Variants in RAD51D observed in about 807,000 individuals in gnomAD.
RAD51D encodes the protein RAD51 paralog D, also known as DNA repair protein RAD51 homolog 4.
In RAD51D, 38 loss-of-function variants were observed where a neutral mutation model predicts 44.1. That is an observed-to-expected ratio of 0.86 (90% CI 0.67 to 1.13). RAD51D has a LOEUF of 1.13. RAD51D is among the 50% of genes most tolerant of loss of function. The probability of loss-of-function intolerance (pLI) is 0.00; values close to 1 mark genes in which losing one functional copy is unlikely to be tolerated. For synonymous variants in RAD51D, 141 were observed against 166.6 expected (o/e 0.85, Z 1.18); for missense variants, 390 against 414.0 (o/e 0.94, Z 0.50).
At chr17:35,116,291 C>A (rs549158783) in intron 3 of RAD51D, among the ~76,000 whole-genome samples, 1 of 152,188 alleles carries the variant, frequency 6.6e-6, no homozygotes, top group East Asian at 1.9e-4. Flanking sequence ...CTGTCTATAA[C>A]CCTGCTTTCA....
rs1597862471 is a variant in RAD51D at position 35,106,987 on chromosome 17, C to A, written c.480+1G>T. 1 of 1,614,212 alleles carries A rather than the reference C, an allele frequency of 6.2e-7. No individual in the cohort carries two copies. The highest frequency in any genetic ancestry group is 1.6e-4 in the Middle Eastern group (1 of 6,062). ...AATGGAACCCAGCATCCTGCCCTTACCTGTTCCTCCTCATCCTGGGTTTTA... is the reference window on the plus strand; with the variant it reads ...AATGGAACCCAGCATCCTGCCCTTAACTGTTCCTCCTCATCCTGGGTTTTA... On this transcript the variant is annotated splice_donor_variant, in intron 5 of 9. Transcript: ENST00000345365. LOFTEE classifies it high-confidence loss of function.
chr17:35,096,926 C>G lies in RAD51D; in HGVS notation c.*4027G>C, dbSNP rs2091489419. The G allele has an allele frequency of 6.6e-6, 1 of 152,144 alleles. No homozygotes were observed. The highest frequency in any genetic ancestry group is 1.9e-4 in the East Asian group (1 of 5,190). 9.4% of individuals were successfully genotyped at this position (152,144 alleles called of 1,614,324 possible). ...TAAGCCTAGGTTTTGTTACTTGCAG[C>G]CTTAATGATACATGGACCTTTGCCT... On this transcript the variant is annotated 3_prime_UTR_variant, in exon 10 of 10. Coordinates refer to ENST00000345365, the MANE Select transcript of RAD51D (RefSeq NM_002878.4).
chr17:35,108,452 G>C (rs1010548512), intron 3 of RAD51D, among the ~76,000 whole-genome samples: 1 of 141,620 alleles, frequency 7.1e-6, no homozygotes, highest in Non-Finnish European at 1.5e-5. Context: ...TTGAGTCCAG[G>C]AGTTCAAGTC....
At chr17:35,116,702 G>A (rs1378687741) in intron 3 of RAD51D, among the ~76,000 whole-genome samples, 25 of 152,096 alleles carry the variant, frequency 1.6e-4, no homozygotes, top group Non-Finnish European at 1.5e-5. Context: ...TACCGTGTTA[G>A]CCAGGACAGT....
chr17:35,116,588 G>A (rs1040531981), intron 3 of RAD51D, among the ~76,000 whole-genome samples: 11 of 152,100 alleles, frequency 7.2e-5, no homozygotes, highest in East Asian at 1.9e-4. Context: ...TCCGCTTCCC[G>A]GGTTCATGCT....
chr17:35,109,761 A>C (rs2091652841), intron 3 of RAD51D, among the ~76,000 whole-genome samples: 1 of 151,558 alleles, frequency 6.6e-6, no homozygotes. Flanking sequence ...TCCACCTCTC[A>C]GGTTCAAGCA....
Position 35,098,847 on chromosome 17 carries a change from A to T in RAD51D, c.*2106T>A, listed in dbSNP as rs2091505591. On this transcript the variant is annotated 3_prime_UTR_variant, in exon 10 of 10. Coordinates refer to ENST00000345365, the MANE Select transcript of RAD51D (RefSeq NM_002878.4). ...GTTAAGTAACAGGATGGGCCAGATG[A>T]TTTTTTTTTTCCTTGAGACAGGGTC... 1 of 149,316 alleles carries T rather than the reference A, an allele frequency of 6.7e-6. No individual in the cohort carries two copies. Among genetic ancestry groups the T allele is most frequent in the African/African-American group, 2.5e-5 (1 of 40,530 alleles). 9.2% of individuals were successfully genotyped at this position (149,316 alleles called of 1,614,324 possible).
At position 35,096,755 on chromosome 17, in the gene RAD51D, G is replaced by A. The variant is rs1234514265; in HGVS notation, c.*4198C>T. 6.6e-6 allele frequency: 1 copy of A among 152,186 alleles called. No homozygotes were observed. The highest frequency in any genetic ancestry group is 1.5e-5 in the Non-Finnish European group (1 of 68,076). 9.4% of individuals were successfully genotyped at this position (152,186 alleles called of 1,614,324 possible). On this transcript the variant is annotated 3_prime_UTR_variant, in exon 10 of 10. Transcript: ENST00000345365. Reference sequence around the variant, plus strand: ...ACACACCTGTAGTCCCAGCTACTTGGGAGACTGAAGTGGGAGGATCACTTG... The same window carrying A: ...ACACACCTGTAGTCCCAGCTACTTGAGAGACTGAAGTGGGAGGATCACTTG...
rs949198607 is a variant in RAD51D, at chr17:35,094,852, G to C, written c.*6101C>G. On this transcript the variant is annotated 3_prime_UTR_variant, in exon 10 of 10. Transcript: ENST00000345365. Reference sequence around the variant, plus strand: ...AATGAGACATGCATCAAGGGCCTAAGGATACATAATAGAGCCTTGATTAAC... The same window carrying C: ...AATGAGACATGCATCAAGGGCCTAACGATACATAATAGAGCCTTGATTAAC... 6.6e-6 allele frequency: 1 copy of C among 152,092 alleles called. No homozygotes were observed. The highest frequency in any genetic ancestry group is 6.5e-5 in the Admixed American group (1 of 15,274). The allele number at this position is 152,092 out of a possible 1,614,324, so 9.4% of individuals were successfully genotyped here.
chr17:35,096,568 T>C lies in RAD51D; in HGVS notation c.*4385A>G, dbSNP rs1206910304. 1 of 152,222 alleles carries C rather than the reference T, an allele frequency of 6.6e-6. No homozygotes were observed. The highest frequency in any genetic ancestry group is 2.4e-5 in the African/African-American group (1 of 41,430). 9.4% of individuals were successfully genotyped at this position (152,222 alleles called of 1,614,324 possible). ...TCAGACTTCCTGTTATCAGAGATAA[T>C]AAGTGTCCCTGCCAGGCATGGTGGC... is the stretch of plus-strand genomic sequence containing the variant. On this transcript the variant is annotated 3_prime_UTR_variant, in exon 10 of 10. Transcript: ENST00000345365.
intron 3 of RAD51D, among the ~76,000 whole-genome samples, chr17:35,117,708 G>A (rs1461139939): frequency 1.3e-5 from 2 of 152,136 alleles, no homozygotes; most frequent in Non-Finnish European, 2.9e-5. Flanking sequence ...CGGGCAAGCA[G>A]GCCAGGCAGG....
chr17:35,104,970 C>T (rs1263426452), intron 6 of RAD51D: 1 of 152,044 alleles, frequency 6.6e-6, no homozygotes, highest in Non-Finnish European at 1.5e-5. Context: ...CTCCTAGTCT[C>T]AGATTCTTAA....
Position 35,092,366 on chromosome 17 carries a change from C to T in RAD51D, c.*8587G>A, listed in dbSNP as rs2091462340. On this transcript the variant is annotated 3_prime_UTR_variant, in exon 10 of 10. Coordinates refer to ENST00000345365, the MANE Select transcript of RAD51D (RefSeq NM_002878.4). ...TTAGTAGCAGCACGGCTTGGAAGTC[C>T]TAGTGCCCTGATTTTAGTTATTTCT... 6.6e-6 allele frequency: 1 copy of T among 152,138 alleles called. No individual in the cohort carries two copies. Among genetic ancestry groups the T allele is most frequent in the Admixed American group, 6.5e-5 (1 of 15,272 alleles). The allele number at this position is 152,138 out of a possible 1,614,324, so 9.4% of individuals were successfully genotyped here.
rs2142418974 is a variant in RAD51D, at chr17:35,103,336, G to A, written c.668-12C>T. On this transcript the variant is annotated splice_polypyrimidine_tract_variant and intron_variant, in intron 7 of 9. Transcript: ENST00000345365. The surrounding 1 kb of genome is among the most constrained non-coding windows in gnomAD (Gnocchi z 4.1). ...CATCAAGGCCAAGCCTGCAGGAGGA[G>A]GAGAAGCAGAGAGGGAGGGCAGTGG... 6.2e-7 allele frequency: 1 copy of A among 1,612,694 alleles called. No individual in the cohort carries two copies. The highest frequency in any genetic ancestry group is 8.5e-7 in the Non-Finnish European group (1 of 1,179,414).
At chr17:35,109,021 C>T (rs2091644883) in intron 3 of RAD51D, among the ~76,000 whole-genome samples, 1 of 152,032 alleles carries the variant, frequency 6.6e-6, no homozygotes, top group Non-Finnish European at 1.5e-5. Context: ...CGCCCACCAC[C>T]ACACCTGGAT....
At chr17:35,108,275 C>G (rs145209787) in intron 3 of RAD51D, among the ~76,000 whole-genome samples, 2 of 151,460 alleles carry the variant, frequency 1.3e-5, no homozygotes, top group Non-Finnish European at 2.9e-5. Flanking sequence ...ACAACAACAA[C>G]AAGAAAAAAC....
rs933380016 is a variant in RAD51D, at chr17:35,093,165, G to A, written c.*7788C>T. 1.3e-5 allele frequency: 2 copies of A among 151,900 alleles called. No homozygotes were observed. The highest frequency in any genetic ancestry group is 4.8e-5 in the African/African-American group (2 of 41,320). 9.4% of individuals were successfully genotyped at this position (151,900 alleles called of 1,614,324 possible). Reference sequence around the variant, plus strand: ...GAGATTGAGTGCCTATATCATGCCTGGAAAACTATTCAGTGTTTTACATAA... The same window carrying A: ...GAGATTGAGTGCCTATATCATGCCTAGAAAACTATTCAGTGTTTTACATAA... On this transcript the variant is annotated 3_prime_UTR_variant, in exon 10 of 10. Transcript: ENST00000345365.
At chr17:35,115,153 G>C (rs1360036381) in intron 3 of RAD51D, 1 of 426,164 alleles carries the variant, frequency 2.3e-6, no homozygotes, top group Non-Finnish European at 4.8e-6. Context: ...CCATGAAGCA[G>C]AAGTACACCT....
intron 3 of RAD51D, among the ~76,000 whole-genome samples, chr17:35,111,149 C>T (rs563655305): frequency 1.3e-5 from 2 of 149,526 alleles, no homozygotes; most frequent in East Asian, 2.0e-4. Flanking sequence ...GAGTCCGAGG[C>T]GGGTGGATCA....
Sources: gnomAD v4.1 joint callset for allele counts (sites outside exome capture counted in the v4.1 genomes callset) on GRCh38, gnomAD v4.1.1 for gene constraint, Gnocchi (gnomAD v3.1) non-coding constraint, MANE v1.5 for transcripts, NCBI Gene and HGNC (gene_info 2026-07-23, HGNC 2026-07-21) for gene names.